The following ZNF148 variants were observed in gnomAD, a reference collection of about 807,000 sequenced individuals.
The protein encoded by ZNF148 is Beta-Enolase Repressor Factor-1.
Under a neutral mutation model 67.7 loss-of-function variants are expected in ZNF148, and 7 were observed. That is an observed-to-expected ratio of 0.10 (90% CI 0.06 to 0.19). ZNF148 has a LOEUF of 0.19. Ranked by LOEUF, ZNF148 falls within the 10% of genes least tolerant of loss-of-function variation. ZNF148 has a pLI of 1.00. For missense variants in ZNF148, 583 were observed against 947.1 expected (o/e 0.62, Z 5.05); for synonymous variants, 333 against 330.7 (o/e 1.01, Z -0.08).
chr3:125,313,579 T>C lies in ZNF148; in HGVS notation c.62A>G (p.Gln21Arg). 1 of 1,614,206 alleles carries C rather than the reference T, an allele frequency of 6.2e-7. No individual in the cohort carries two copies. Residue 21 changes from glutamine to arginine, a missense_variant, in exon 4 of 9, where the codon CAG becomes CGG. Physicochemically the swap from Gln to Arg is conservative, Grantham distance 43. Coordinates refer to ENST00000360647, the MANE Select transcript of ZNF148 (RefSeq NM_021964.3). ...CATTACAACCATTGTCCTGGAAGAC[T>C]GCATTTCGTCTATGCCGCCACATTT... Reference protein sequence around the residue: ...FLKCGGIDEMQSSRTMVVMGG... With the variant: ...FLKCGGIDEMRSSRTMVVMGG...
At chr3:125,288,359 T>C (rs1323430775) in intron 4 of ZNF148, 131 bp from the exon 5 acceptor site, 1 of 916,050 alleles carries the variant, frequency 1.1e-6, no homozygotes, top group East Asian at 2.7e-5. Context: ...TGTGTGTGTG[T>C]CCTAACTATA....
intron 7 of ZNF148, among the ~76,000 whole-genome samples, chr3:125,258,034 C>T (rs1423258998): frequency 6.6e-6 from 1 of 152,100 alleles, no homozygotes; most frequent in Non-Finnish European, 1.5e-5. Context: ...TTACTATGGA[C>T]TTTTAGATTA....
At chr3:125,285,391 A>C (rs1166074943) in intron 5 of ZNF148, among the ~76,000 whole-genome samples, 1 of 152,122 alleles carries the variant, frequency 6.6e-6, no homozygotes, top group Non-Finnish European at 1.5e-5. Flanking sequence ...GAAAATGTAA[A>C]ATTACTCACT....
intron 3 of ZNF148, among the ~76,000 whole-genome samples, chr3:125,321,751 T>G (rs201056418): frequency 6.6e-6 from 1 of 152,292 alleles, no homozygotes; most frequent in East Asian, 1.9e-4. Flanking sequence ...CATTACATTT[T>G]ATGCAAATAT....
At chr3:125,333,716 A>G (rs1941382854) in intron 1 of ZNF148, among the ~76,000 whole-genome samples, 1 of 152,256 alleles carries the variant, frequency 6.6e-6, no homozygotes, top group African/African-American at 2.4e-5. Flanking sequence ...TTTTCTGGCT[A>G]AATAATCTTT....
chr3:125,307,632 T>G (rs1939956584), intron 4 of ZNF148, among the ~76,000 whole-genome samples: 1 of 151,948 alleles, frequency 6.6e-6, no homozygotes, highest in African/African-American at 2.4e-5. Flanking sequence ...ATAAAAGTAA[T>G]CTATGAAAAA....
chr3:125,274,181 T>C (rs182644359), intron 7 of ZNF148, among the ~76,000 whole-genome samples: 150 of 152,338 alleles, frequency 9.8e-4, no homozygotes, highest in Admixed American at 2.1e-3. Context: ...CTGCCAATGA[T>C]GATAAATGTT....
At chr3:125,354,756 T>G (rs1227517402) in intron 1 of ZNF148, among the ~76,000 whole-genome samples, 1 of 152,236 alleles carries the variant, frequency 6.6e-6, no homozygotes, top group African/African-American at 2.4e-5. Context: ...AAAAATTGTA[T>G]GTGGTCTTTT....
At chr3:125,351,341 C>T (rs1352275120) in intron 1 of ZNF148, among the ~76,000 whole-genome samples, 2 of 143,224 alleles carry the variant, frequency 1.4e-5, no homozygotes, top group Non-Finnish European at 3.0e-5. Context: ...ACCGTGCCAC[C>T]GCACTCCGGC....
At chr3:125,335,777 G>A (rs974939388) in intron 1 of ZNF148, among the ~76,000 whole-genome samples, 13 of 152,170 alleles carry the variant, frequency 8.5e-5, no homozygotes, top group Non-Finnish European at 2.9e-5. Flanking sequence ...CACATTTCAT[G>A]TAGACAGTTT....
chr3:125,250,936 T>C (rs1936815576), intron 7 of ZNF148, among the ~76,000 whole-genome samples: 1 of 152,162 alleles, frequency 6.6e-6, no homozygotes, highest in Non-Finnish European at 1.5e-5. Context: ...TACACAAAAG[T>C]AGAGAACACA....
At chr3:125,251,110 A>G (rs1936822406) in intron 7 of ZNF148, among the ~76,000 whole-genome samples, 1 of 152,210 alleles carries the variant, frequency 6.6e-6, no homozygotes, top group Non-Finnish European at 1.5e-5. Context: ...AATCATAATC[A>G]TAGCTCATTA....
intron 1 of ZNF148, among the ~76,000 whole-genome samples, chr3:125,374,681 G>T (rs772140650): frequency 2.0e-5 from 3 of 151,958 alleles, no homozygotes; most frequent in African/African-American, 7.3e-5. Context: ...GGCAGCAACA[G>T]TGACTGAGGC....
intron 7 of ZNF148, among the ~76,000 whole-genome samples, chr3:125,244,313 A>G (rs1017004869): frequency 6.6e-6 from 1 of 152,308 alleles, no homozygotes; most frequent in East Asian, 1.9e-4. Context: ...TTATAAAGAC[A>G]TAAGATTTAT....
chr3:125,329,900 T>C (rs1941210150), intron 2 of ZNF148, among the ~76,000 whole-genome samples: 1 of 152,148 alleles, frequency 6.6e-6, no homozygotes, highest in Non-Finnish European at 1.5e-5. Flanking sequence ...TAAAAAAATG[T>C]GTAAATATAA....
At chr3:125,295,071 T>C (rs1939211518) in intron 4 of ZNF148, among the ~76,000 whole-genome samples, 1 of 152,200 alleles carries the variant, frequency 6.6e-6, no homozygotes, top group Admixed American at 6.5e-5. Flanking sequence ...TTTCCACATA[T>C]GAACTATAGT....
intron 7 of ZNF148, among the ~76,000 whole-genome samples, chr3:125,243,028 T>C (rs1936437215): frequency 6.6e-6 from 1 of 152,222 alleles, no homozygotes; most frequent in African/African-American, 2.4e-5. Context: ...AATTAGCTTA[T>C]CTAGAATTAG....
intron 7 of ZNF148, among the ~76,000 whole-genome samples, chr3:125,235,269 A>G (rs1000884373): frequency 6.6e-6 from 1 of 152,226 alleles, no homozygotes; most frequent in Admixed American, 6.5e-5. Flanking sequence ...AGTTTATAAC[A>G]TAATTGGGAA....
chr3:125,372,191 G>C (rs1229976077), intron 1 of ZNF148, among the ~76,000 whole-genome samples: 1 of 152,122 alleles, frequency 6.6e-6, no homozygotes, highest in Non-Finnish European at 1.5e-5. Flanking sequence ...CCTACAACAT[G>C]GTCTTTCTGA....
Sources: gnomAD v4.1 joint callset for allele counts (sites outside exome capture counted in the v4.1 genomes callset) on GRCh38, gnomAD v4.1.1 for gene constraint, MANE v1.5 for transcripts, NCBI Gene and HGNC (gene_info 2026-07-23, HGNC 2026-07-21) for gene names.